The following NTN1 variants were observed in gnomAD, a reference collection of about 807,000 sequenced individuals.
The protein encoded by NTN1 is netrin 1.
A neutral mutation model predicts 54.2 loss-of-function variants in NTN1; 11 were observed. The observed-to-expected ratio is 0.20, with a 90% confidence interval of 0.13 to 0.34. The LOEUF is 0.34. Ranked by LOEUF, NTN1 falls within the 10% of genes least tolerant of loss-of-function variation. The pLI is 1.00. For missense variants in NTN1, 740 were observed against 893.1 expected (o/e 0.83, Z 2.18); for synonymous variants, 371 against 382.0 (o/e 0.97, Z 0.33).
intron 2 of NTN1, among the ~76,000 whole-genome samples, chr17:9,154,604 A>C (rs536377693): frequency 3.3e-5 from 5 of 152,000 alleles, no homozygotes; most frequent in Non-Finnish European, 5.9e-5. Flanking sequence ...GGGCAGCTGG[A>C]GTTGCTCCAC....
intron 2 of NTN1, among the ~76,000 whole-genome samples, chr17:9,043,073 GGTAATTT>G (rs2091927805): frequency 6.6e-6 from 1 of 151,784 alleles, no homozygotes; most frequent in Non-Finnish European, 1.5e-5. Context: ...AGTCAAATCT[GGTAATTT>G]GTTTTTTTTT....
At chr17:9,084,027 C>T (rs1482734491) in intron 2 of NTN1, among the ~76,000 whole-genome samples, 1 of 152,116 alleles carries the variant, frequency 6.6e-6, no homozygotes, top group African/African-American at 2.4e-5. Flanking sequence ...GGTGATGATC[C>T]ACTTTTGGGT....
At chr17:9,087,071 G>C (rs2092092223) in intron 2 of NTN1, among the ~76,000 whole-genome samples, 1 of 152,148 alleles carries the variant, frequency 6.6e-6, no homozygotes, top group Admixed American at 6.5e-5. Flanking sequence ...TCTCACTTTA[G>C]AGGTGAAGAA....
At chr17:9,039,952 T>C (rs2091916163) in intron 2 of NTN1, among the ~76,000 whole-genome samples, 1 of 152,240 alleles carries the variant, frequency 6.6e-6, no homozygotes, top group African/African-American at 2.4e-5. Context: ...ATGAACATTC[T>C]TTTAGAAGTC....
chr17:9,126,990 C>T (rs929170738), intron 2 of NTN1, among the ~76,000 whole-genome samples: 6 of 140,352 alleles, frequency 4.3e-5, no homozygotes, highest in Non-Finnish European at 6.1e-5. Flanking sequence ...ATAGGGCAGC[C>T]GTGCATGGAT....
chr17:9,059,902 TATGGCTAAGTGAGC>T (rs2091990928), intron 2 of NTN1, among the ~76,000 whole-genome samples: 1 of 151,056 alleles, frequency 6.6e-6, no homozygotes, highest in Non-Finnish European at 1.5e-5. Flanking sequence ...CAGGGCCACG[TATGGCTAAGTGAGC>T]ATGTTTCGGA....
At chr17:9,146,708 G>A (rs2092314605) in intron 2 of NTN1, among the ~76,000 whole-genome samples, 1 of 152,128 alleles carries the variant, frequency 6.6e-6, no homozygotes, top group Non-Finnish European at 1.5e-5. Flanking sequence ...AGTGAGCTAG[G>A]GATTTGGCCC....
chr17:9,130,859 C>T (rs999967432), intron 2 of NTN1, among the ~76,000 whole-genome samples: 2 of 152,230 alleles, frequency 1.3e-5, no homozygotes, highest in African/African-American at 2.4e-5. Context: ...TTGTCCTTAC[C>T]TATCACATGC....
rs942006440 is a variant in NTN1, at chr17:9,212,156, A to G, written c.1412-9012A>G. Among the ~76,000 whole-genome samples, 9 of 152,196 alleles carry G rather than the reference A, an allele frequency of 5.9e-5. No homozygotes were observed. Among genetic ancestry groups the G allele is most frequent in the African/African-American group, 2.2e-4 (9 of 41,464 alleles). On this transcript the variant is annotated intron_variant, in intron 5 of 6. Coordinates refer to ENST00000173229, the MANE Select transcript of NTN1 (RefSeq NM_004822.3). The surrounding 1 kb of genome is among the most constrained non-coding windows in gnomAD (Gnocchi z 5.5). ...AGGCTTAGAGAGATGGGTGGGGGCT[A>G]GAGATCTGCCTGTGGGCCCCAGCTC... is the stretch of plus-strand genomic sequence containing the variant.
chr17:9,205,961 GT>G (rs1257866653), intron 5 of NTN1, among the ~76,000 whole-genome samples: 2 of 152,190 alleles, frequency 1.3e-5, no homozygotes, highest in African/African-American at 2.4e-5. Flanking sequence ...CACCATTCCG[GT>G]TGCTCCTGCC....
At chr17:9,230,530 G>T (rs533804547) in intron 6 of NTN1, among the ~76,000 whole-genome samples, 1 of 151,934 alleles carries the variant, frequency 6.6e-6, no homozygotes, top group East Asian at 1.9e-4. Context: ...CGTGGAATGC[G>T]GGTGACCACC....
At position 9,023,005 on chromosome 17, in the gene NTN1, G is replaced by T. The variant is rs766922436; in HGVS notation, c.632G>T (p.Arg211Leu). The T allele has an allele frequency of 6.8e-6, 11 of 1,607,234 alleles. No homozygotes were observed. The South Asian group carries it at 1.2e-4, about 18-fold the overall frequency. The change falls in exon 2 of 7, where the codon CGC becomes CTC. Residue 211 changes from arginine (R) to leucine (L), a missense_variant. Physicochemically the swap from Arg to Leu is moderately radical, Grantham distance 102 (BLOSUM62 -2). Transcript: ENST00000173229. Reference sequence around the variant, plus strand: ...TGCACCGACTCGCACACCGACATGCGCCCGCTCTCGGGCGGCCTCATCGCC... The same window carrying T: ...TGCACCGACTCGCACACCGACATGCTCCCGCTCTCGGGCGGCCTCATCGCC... ...AVCTDSHTDM[R>L]PLSGGLIAFS...
At chr17:9,013,756 A>G in the NTN1 span, among the ~76,000 whole-genome samples, 1 of 151,908 alleles carries the variant, frequency 6.6e-6, no homozygotes, top group East Asian at 1.9e-4. Flanking sequence ...CTGAGCCCCA[A>G]CTCTGGCTCA....
Position 9,221,151 on chromosome 17 carries a change from C to A in NTN1, c.1412-17C>A, listed in dbSNP as rs553982766. On this transcript the variant is annotated splice_polypyrimidine_tract_variant and intron_variant, in intron 5 of 6. Coordinates refer to ENST00000173229, the MANE Select transcript of NTN1 (RefSeq NM_004822.3). This position sits in a 1 kb window ranked among gnomAD's most constrained non-coding sequence, Gnocchi z 4.5. The stretch of plus-strand genomic sequence containing the variant: ...CTAATTAGTTTTTGTCTGTGCTCCC[C>A]CCCCACCCCCCTGCAGACTGCGATT... 1.2e-5 allele frequency: 18 copies of A among 1,519,120 alleles called. No individual in the cohort carries two copies. Among genetic ancestry groups the A allele is most frequent in the East Asian group, 1.1e-4 (5 of 44,174 alleles). The allele number at this position is 1,519,120 out of a possible 1,614,324, so 94.1% of individuals were successfully genotyped here.
At chr17:9,006,737 A>G in the NTN1 span, among the ~76,000 whole-genome samples, 1 of 152,256 alleles carries the variant, frequency 6.6e-6, no homozygotes, top group East Asian at 1.9e-4. Context: ...TGTTCCTTGC[A>G]TATGGATGCC....
At chr17:9,060,404 G>A (rs900697154) in intron 2 of NTN1, among the ~76,000 whole-genome samples, 2 of 152,100 alleles carry the variant, frequency 1.3e-5, no homozygotes, top group African/African-American at 4.8e-5. Context: ...TTATCCATAA[G>A]GCTTCCAGTC....
chr17:9,032,734 C>A (rs2091891696), intron 2 of NTN1, among the ~76,000 whole-genome samples: 1 of 152,198 alleles, frequency 6.6e-6, no homozygotes, highest in Admixed American at 6.5e-5. Flanking sequence ...CACGGCCCCC[C>A]CAGCCCCTAC....
intron 5 of NTN1, among the ~76,000 whole-genome samples, chr17:9,204,290 T>A (rs72811992): frequency 7.0e-6 from 1 of 143,452 alleles, no homozygotes; most frequent in Non-Finnish European, 1.5e-5. Context: ...CTCTATCTCT[T>A]TCTCTCTCTC....
At chr17:9,043,545 T>C (rs920314167) in intron 2 of NTN1, among the ~76,000 whole-genome samples, 19 of 152,090 alleles carry the variant, frequency 1.2e-4, no homozygotes, top group African/African-American at 4.3e-4. Context: ...AATGCTTTTT[T>C]ATCATCTTCT....
Sources: allele counts gnomAD v4.1 joint callset (sites outside exome capture counted in the v4.1 genomes callset), GRCh38; gene constraint gnomAD v4.1.1; non-coding constraint Gnocchi (gnomAD v3.1); transcripts MANE v1.5; gene names NCBI Gene and HGNC (gene_info 2026-07-23, HGNC 2026-07-21).